Variants in THSD7B observed in about 807,000 individuals in gnomAD.
THSD7B encodes the protein thrombospondin type 1 domain containing 7B.
In THSD7B, 138 loss-of-function variants were observed where a neutral mutation model predicts 213.6. That is an observed-to-expected ratio of 0.65 (90% CI 0.56 to 0.74). The LOEUF is 0.74. Ranked by LOEUF, THSD7B falls within the 30% of genes least tolerant of loss-of-function variation. THSD7B has a pLI of 0.00. For synonymous variants in THSD7B, 742 were observed against 687.0 expected, an observed-to-expected ratio of 1.08 and a Z score of -1.25; for missense variants, 1,931 against 1,991.5, an observed-to-expected ratio of 0.97 and a Z score of 0.58.
intron 2 of THSD7B, among the ~76,000 whole-genome samples, chr2:136,997,361 G>A (rs1685913379): frequency 1.3e-5 from 2 of 152,134 alleles, no homozygotes; most frequent in African/African-American, 4.8e-5. Flanking sequence ...TCTACGTGCT[G>A]GGGAGATTTG....
chr2:137,325,075 G>A (rs1195760807), intron 12 of THSD7B, among the ~76,000 whole-genome samples: 1 of 152,216 alleles, frequency 6.6e-6, no homozygotes, highest in Admixed American at 6.5e-5. Context: ...AGATGTTGTT[G>A]CTATAGAAAG....
intron 7 of THSD7B, among the ~76,000 whole-genome samples, chr2:137,213,309 A>G (rs1220530137): frequency 6.7e-6 from 1 of 149,094 alleles, no homozygotes; most frequent in African/African-American, 2.4e-5. Flanking sequence ...CTCCATTTGC[A>G]CATTTTATTA....
At chr2:137,479,282 G>C (rs866667460) in intron 15 of THSD7B, among the ~76,000 whole-genome samples, 2 of 152,292 alleles carry the variant, frequency 1.3e-5, no homozygotes, top group East Asian at 3.9e-4. Flanking sequence ...AAGTAGGCCT[G>C]TTGTTAAGCC....
intron 1 of THSD7B, among the ~76,000 whole-genome samples, chr2:136,814,872 A>G (rs1287942882): frequency 1.3e-5 from 2 of 152,212 alleles, no homozygotes; most frequent in Non-Finnish European, 2.9e-5. Context: ...ATGGGTCTCA[A>G]GATGAGAATG....
At chr2:137,562,425 A>G (rs1249879210) in intron 15 of THSD7B, among the ~76,000 whole-genome samples, 2 of 152,134 alleles carry the variant, frequency 1.3e-5, no homozygotes, top group South Asian at 2.1e-4. Flanking sequence ...GACAAACTCA[A>G]TTGGCTGCCC....
At chr2:137,072,584 A>G (rs74373976) in intron 3 of THSD7B, among the ~76,000 whole-genome samples, 29,816 of 152,026 alleles carry the variant, frequency 0.2, 4,419 homozygotes, top group African/African-American at 0.41. Flanking sequence ...TCCTAATTGA[A>G]TACCCTTTAT....
chr2:137,642,735 G>A (rs749064441), intron 21 of THSD7B, 102 bp downstream of exon 21: 28 of 1,353,080 alleles, frequency 2.1e-5, no homozygotes, highest in Non-Finnish European at 2.8e-5. Flanking sequence ...CAGCACCAGG[G>A]GTCTGGCACA....
At chr2:137,203,610 T>A (rs1261437331) in intron 7 of THSD7B, among the ~76,000 whole-genome samples, 1 of 151,954 alleles carries the variant, frequency 6.6e-6, no homozygotes, top group Non-Finnish European at 1.5e-5. Flanking sequence ...TAGGTATAAG[T>A]GTAATTTATT....
At chr2:137,311,138 C>G (rs1337903327) in intron 12 of THSD7B, among the ~76,000 whole-genome samples, 2 of 151,254 alleles carry the variant, frequency 1.3e-5, no homozygotes, top group African/African-American at 4.9e-5. Context: ...TACCCATGAG[C>G]ATGGAATGTT....
intron 2 of THSD7B, among the ~76,000 whole-genome samples, chr2:137,044,714 A>G (rs1280727094): frequency 3.3e-5 from 5 of 152,204 alleles, no homozygotes; most frequent in South Asian, 4.1e-4. Context: ...CTCTCTCAGA[A>G]TGTCTCATAC....
intron 1 of THSD7B, among the ~76,000 whole-genome samples, chr2:136,780,258 A>T (rs1022796330): frequency 7.0e-6 from 1 of 143,192 alleles, no homozygotes; most frequent in African/African-American, 2.5e-5. Flanking sequence ...AGGGAGGAAC[A>T]TTGCGTCCTC....
chr2:136,998,929 CA>C (rs1685949784), intron 2 of THSD7B, among the ~76,000 whole-genome samples: 1 of 149,362 alleles, frequency 6.7e-6, no homozygotes, highest in Non-Finnish European at 1.5e-5. Flanking sequence ...CACACACACA[CA>C]CACACACACA....
At chr2:137,285,619 C>T (rs1456857915) in intron 12 of THSD7B, among the ~76,000 whole-genome samples, 14 of 148,100 alleles carry the variant, frequency 9.5e-5, no homozygotes, top group Non-Finnish European at 1.5e-4. Context: ...AATTAGAAAT[C>T]GGAACAAGTT....
intron 15 of THSD7B, among the ~76,000 whole-genome samples, chr2:137,533,027 G>A (rs572605476): frequency 1.3e-5 from 2 of 150,690 alleles, no homozygotes; most frequent in South Asian, 4.2e-4. Flanking sequence ...TATGTGATAT[G>A]TAATAGGTAA....
chr2:137,667,047 T>C, intron 26 of THSD7B, among the ~76,000 whole-genome samples: 1 of 152,138 alleles, frequency 6.6e-6, no homozygotes, highest in Non-Finnish European at 1.5e-5. Context: ...ATGGTCATAG[T>C]AGTTTTCTTT....
Position 137,057,239 on chromosome 2 carries a change from C to A in THSD7B, c.950+9C>A, listed in dbSNP as rs779191708. The A allele has an allele frequency of 2.5e-5, 40 of 1,575,268 alleles. No individual in the cohort carries two copies. Among genetic ancestry groups the A allele is most frequent in the Non-Finnish European group, 3.4e-5 (39 of 1,159,936 alleles). On this transcript the variant is annotated intron_variant, in intron 3 of 27. Coordinates refer to ENST00000409968, the MANE Select transcript of THSD7B (RefSeq NM_001316349.2). ...CAAAATGCTATGTTAAGGTAGGAGACCTTTGATGCTTGAATTTGATTCACC... is the reference window on the plus strand; with the variant it reads ...CAAAATGCTATGTTAAGGTAGGAGAACTTTGATGCTTGAATTTGATTCACC...
chr2:137,430,592 C>T (rs1380434617), intron 14 of THSD7B, among the ~76,000 whole-genome samples: 1 of 152,250 alleles, frequency 6.6e-6, no homozygotes, highest in Non-Finnish European at 1.5e-5. Context: ...CCCTAACTTA[C>T]CTTTCTCTCT....
At chr2:137,528,078 CT>C (rs1423189231) in intron 15 of THSD7B, among the ~76,000 whole-genome samples, 1 of 152,054 alleles carries the variant, frequency 6.6e-6, no homozygotes, top group African/African-American at 2.4e-5. Context: ...TGATTGGATT[CT>C]TGTATTTCTT....
intron 2 of THSD7B, among the ~76,000 whole-genome samples, chr2:136,978,889 G>C (rs1214028193): frequency 6.7e-6 from 1 of 150,168 alleles, no homozygotes; most frequent in African/African-American, 2.4e-5. Flanking sequence ...TCAATGGTCT[G>C]TGTACTTCAG....
Sources: gnomAD v4.1 joint callset for allele counts (sites outside exome capture counted in the v4.1 genomes callset) on GRCh38, gnomAD v4.1.1 for gene constraint, MANE v1.5 for transcripts, NCBI Gene and HGNC (gene_info 2026-07-23, HGNC 2026-07-21) for gene names.